Variants in ST3GAL2 observed in about 807,000 individuals in gnomAD.
The protein encoded by ST3GAL2 is ST3 beta-galactoside alpha-2,3-sialyltransferase 2, also known as CMP-N-acetylneuraminate-beta-galactosamide-alpha-2,3-sialyltransferase 2.
Under a neutral mutation model 37.5 loss-of-function variants are expected in ST3GAL2, and 16 were observed. The ratio of observed to expected loss-of-function variants is 0.43; its 90% CI spans 0.29 to 0.65. The LOEUF is 0.65. Ranked by LOEUF, ST3GAL2 falls within the 30% of genes least tolerant of loss-of-function variation. The pLI is 0.17. For missense variants in ST3GAL2, 383 were observed against 487.8 expected (o/e 0.79, Z 2.02); for synonymous variants, 238 against 202.9 (o/e 1.17, Z -1.47).
At chr16:70,383,584 G>T (rs764450861) in intron 4 of ST3GAL2, among the ~76,000 whole-genome samples, 76 of 149,496 alleles carry the variant, frequency 5.1e-4, no homozygotes, top group Non-Finnish European at 8.0e-4. Context: ...GGAAAGGAGA[G>T]GGGTGGGGAG....
chr16:70,419,691 T>A (rs1286152257), intron 1 of ST3GAL2, among the ~76,000 whole-genome samples: 2 of 152,096 alleles, frequency 1.3e-5, no homozygotes, highest in Non-Finnish European at 2.9e-5. Context: ...CGGCCAGAGG[T>A]CAGAGCAGCT....
In ST3GAL2 at chr16:70,380,739, G is replaced by A. The variant is rs2047394917; in HGVS notation, c.*950C>T. The A allele has an allele frequency of 6.5e-6, 1 of 152,764 alleles. No homozygotes were observed. Among genetic ancestry groups the A allele is most frequent in the African/African-American group, 2.4e-5 (1 of 41,490 alleles). The allele number at this position is 152,764 out of a possible 1,614,324, so 9.5% of individuals were successfully genotyped here. A position where few individuals can be genotyped will look rare whatever the true frequency, so the allele number is the denominator to read the frequency against. On this transcript the variant is annotated 3_prime_UTR_variant, in exon 7 of 7. Coordinates refer to ENST00000342907, the MANE Select transcript of ST3GAL2 (RefSeq NM_006927.4). ...CAGGCAAAGTTACCCCCAGGCAAGA[G>A]GCGATGGGTGGAGGAGGAGGTACAT...
At position 70,381,602 on chromosome 16, in the gene ST3GAL2, G is replaced by A. The variant is rs903809332; in HGVS notation, c.*87C>T. 497 of 1,504,488 alleles carry A rather than the reference G, an allele frequency of 3.3e-4. 1 individual carries two copies. In the Middle Eastern group the frequency reaches 3.5e-3, roughly 10 times the overall value. The allele number at this position is 1,504,488 out of a possible 1,614,324, so 93.2% of individuals were successfully genotyped here. ...AGCAGACGCCCCTGGGCTGCAGCAT[G>A]ATTGGTCGCGGGTTGCTGGTCCTGG... On this transcript the variant is annotated 3_prime_UTR_variant, in exon 7 of 7. Transcript: ENST00000342907.
chr16:70,413,204 C>T (rs1475623095), intron 1 of ST3GAL2, among the ~76,000 whole-genome samples: 4 of 150,726 alleles, frequency 2.7e-5, no homozygotes, highest in Admixed American at 6.6e-5. Flanking sequence ...GAGCTAAGAT[C>T]GGGCCACTGC....
Position 70,379,345 on chromosome 16 carries a change from CAG to C in ST3GAL2, c.*2342_*2343del, listed in dbSNP as rs900563437. The C allele has an allele frequency of 2.0e-5, 3 of 152,300 alleles. No homozygotes were observed. The highest frequency in any genetic ancestry group is 3.9e-4 in the East Asian group (2 of 5,182). 9.4% of individuals were successfully genotyped at this position (152,300 alleles called of 1,614,324 possible). ...GCTCAGATTTCAGTGTCTTGGAGCG[CAG>C]AGTCCAGGAATGAGGTGCCTCCTGT... On this transcript the variant is annotated 3_prime_UTR_variant, in exon 7 of 7. Transcript: ENST00000342907.
At chr16:70,427,273 C>G (rs2047757901) in intron 1 of ST3GAL2, among the ~76,000 whole-genome samples, 1 of 151,974 alleles carries the variant, frequency 6.6e-6, no homozygotes, top group Admixed American at 6.6e-5. Context: ...GTATCTCAAA[C>G]TCAACTTGCC....
chr16:70,417,646 CATT>C (rs2047685009), intron 1 of ST3GAL2, among the ~76,000 whole-genome samples: 1 of 152,196 alleles, frequency 6.6e-6, no homozygotes. Context: ...AAGCCTCAGA[CATT>C]AATAGAGGCA....
At chr16:70,426,164 A>G (rs1427531147) in intron 1 of ST3GAL2, among the ~76,000 whole-genome samples, 2 of 142,746 alleles carry the variant, frequency 1.4e-5, no homozygotes, top group Non-Finnish European at 3.1e-5. Context: ...CTTGCAATGC[A>G]TTATGGGGGC....
At chr16:70,417,708 A>G (rs2047685352) in intron 1 of ST3GAL2, among the ~76,000 whole-genome samples, 1 of 152,084 alleles carries the variant, frequency 6.6e-6, no homozygotes, top group African/African-American at 2.4e-5. Flanking sequence ...GATGAACCCA[A>G]GTCTCCAGGG....
intron 1 of ST3GAL2, among the ~76,000 whole-genome samples, chr16:70,411,332 C>T (rs568286228): frequency 6.6e-6 from 1 of 150,940 alleles, no homozygotes; most frequent in Non-Finnish European, 1.5e-5. Context: ...TTGAAGTGGG[C>T]GGAGCGGAGA....
At chr16:70,392,310 C>T (rs56041751) in intron 3 of ST3GAL2, among the ~76,000 whole-genome samples, 2,464 of 152,358 alleles carry the variant, frequency 0.016, 35 homozygotes, top group Non-Finnish European at 0.026. Context: ...GGAGAAGCCA[C>T]GCCCTGGAAA....
At chr16:70,395,337 G>A (rs1433454559) in intron 2 of ST3GAL2, among the ~76,000 whole-genome samples, 162 bp from the exon 3 acceptor site, 3 of 152,248 alleles carry the variant, frequency 2.0e-5, no homozygotes, top group Non-Finnish European at 2.9e-5. Flanking sequence ...TCTGGGCAGT[G>A]AGGGTCTCTC....
intron 3 of ST3GAL2, among the ~76,000 whole-genome samples, chr16:70,391,224 G>A (rs2047480095): frequency 6.6e-6 from 1 of 152,150 alleles, no homozygotes; most frequent in African/African-American, 2.4e-5. Flanking sequence ...CCCTTCCCTT[G>A]AGGGTCTGGA....
chr16:70,410,240 C>CATT (rs2047627628), intron 1 of ST3GAL2, among the ~76,000 whole-genome samples: 1 of 62,664 alleles, frequency 1.6e-5, no homozygotes, highest in Non-Finnish European at 2.9e-5. Flanking sequence ...CCACCCTCAC[C>CATT]TTTTTTTTTT....
At chr16:70,436,736 A>G (rs1394560519) in intron 1 of ST3GAL2, among the ~76,000 whole-genome samples, 1 of 152,126 alleles carries the variant, frequency 6.6e-6, no homozygotes, top group Non-Finnish European at 1.5e-5. Flanking sequence ...TAATTCATTT[A>G]CTGAACACCC....
rs1555562890 is a variant in ST3GAL2, at chr16:70,439,017, A to AGCCGCC, written c.-1073_-1072insGGCGGC. The AGCCGCC allele has an allele frequency of 6.2e-6, 1 of 161,296 alleles. No individual in the cohort carries two copies. 10.0% of individuals were successfully genotyped at this position (161,296 alleles called of 1,614,324 possible). On this transcript the variant is annotated 5_prime_UTR_variant, in exon 1 of 7. Coordinates refer to ENST00000342907, the MANE Select transcript of ST3GAL2 (RefSeq NM_006927.4). ...GGCCGCCGCCGCCGCCCGCGCAGAA[A>AGCCGCC]GCCGTCGCCGCCGCCGCCGCCGCCG...
chr16:70,382,872 T>G lies in ST3GAL2; in HGVS notation c.812A>C (p.Glu271Ala). 1 of 1,614,094 alleles carries G rather than the reference T, an allele frequency of 6.2e-7. No homozygotes were observed. Among genetic ancestry groups the G allele is most frequent in the Non-Finnish European group, 8.5e-7 (1 of 1,179,988 alleles). The part of the protein sequence containing the change: ...FFKYIHDRWT[E>A]HHGRYPSTGM... ...CGTGGAAGGGTACCGCCCGTGATGC[T>G]CTGTCCACCTGTCGTGGATATACTT... The change falls in exon 6 of 7, where the codon GAG becomes GCG. Residue 271 changes from glutamate to alanine, a missense_variant. Coordinates refer to ENST00000342907, the MANE Select transcript of ST3GAL2 (RefSeq NM_006927.4).
At chr16:70,438,326 G>A (rs930227955) in intron 1 of ST3GAL2, among the ~76,000 whole-genome samples, 2 of 152,188 alleles carry the variant, frequency 1.3e-5, no homozygotes, top group African/African-American at 2.4e-5. Flanking sequence ...AGAAGGAACA[G>A]GAGAGAGGAG....
At chr16:70,416,915 C>T (rs1398469096) in intron 1 of ST3GAL2, among the ~76,000 whole-genome samples, 1 of 152,208 alleles carries the variant, frequency 6.6e-6, no homozygotes, top group East Asian at 1.9e-4. Flanking sequence ...GGAACTCCTG[C>T]AGCTCACTCC....
Sources: gnomAD v4.1 joint callset for allele counts (sites outside exome capture counted in the v4.1 genomes callset) on GRCh38, gnomAD v4.1.1 for gene constraint, MANE v1.5 for transcripts, NCBI Gene and HGNC (gene_info 2026-07-23, HGNC 2026-07-21) for gene names.